The following STT3B variants were observed in gnomAD, a reference collection of about 807,000 sequenced individuals.
The protein encoded by STT3B is dolichyl-diphosphooligosaccharide--protein glycosyltransferase subunit STT3B.
In STT3B, 29 loss-of-function variants were observed where a neutral mutation model predicts 96.8. The ratio of observed to expected loss-of-function variants is 0.30; its 90% confidence interval spans 0.22 to 0.41. STT3B has a LOEUF of 0.41. STT3B is among the 10% of genes least tolerant of loss of function. The pLI is 1.00. For synonymous variants in STT3B, 367 were observed against 360.0 expected (o/e 1.02, Z -0.22); for missense variants, 640 against 1,022.3 (o/e 0.63, Z 5.10).
At chr3:31,600,885 A>G (rs1326617433) in intron 5 of STT3B, among the ~76,000 whole-genome samples, 1 of 152,086 alleles carries the variant, frequency 6.6e-6, no homozygotes, top group East Asian at 1.9e-4. Flanking sequence ...GTCTCTAGAA[A>G]AATGTTCATT....
intron 15 of STT3B, among the ~76,000 whole-genome samples, chr3:31,635,255 T>C (rs1227449322): frequency 1.3e-5 from 2 of 152,298 alleles, no homozygotes; most frequent in East Asian, 3.9e-4. Flanking sequence ...GAAAGACATA[T>C]GTGCCTATAA....
rs551121747 is a variant in STT3B, at chr3:31,575,466, TG to T, written c.315-921del. ...GCTTTTGTCAAATGCTTGATTTTTT[TG>T]GGGGGGGGATATGTTGCTTATTTTA... On this transcript the variant is annotated intron_variant, in intron 1 of 15. Transcript: ENST00000295770. Among the ~76,000 whole-genome samples the T allele has an allele frequency of 3.1e-3, 475 of 150,928 alleles. 1 individual carries two copies. The highest frequency in any genetic ancestry group is 1.0e-2 in the African/African-American group (407 of 40,898).
Position 31,579,844 on chromosome 3 carries a change from T to A in STT3B, c.459T>A (p.Ile153=). Residue 153 remains isoleucine, a synonymous_variant, in exon 3 of 16, where the codon ATT becomes ATA. Transcript: ENST00000295770. ...GGTTGATGATAACCGCTGGCCTTAT[T>A]CATTGGATTTTAAATACATTGAACA... ...YPGLMITAGL[I]HWILNTLNIT... The A allele has an allele frequency of 6.2e-7, 1 of 1,613,790 alleles. No homozygotes were observed. The highest frequency in any genetic ancestry group is 2.2e-5 in the East Asian group (1 of 44,870).
intron 8 of STT3B, 71 bp from the exon 9 acceptor site, chr3:31,619,605 G>T: frequency 7.5e-7 from 1 of 1,334,966 alleles, no homozygotes. Context: ...AACCAAACAA[G>T]ATTTCTTCAT....
At chr3:31,569,118 G>A (rs1008661096) in intron 1 of STT3B, among the ~76,000 whole-genome samples, 21 of 151,866 alleles carry the variant, frequency 1.4e-4, no homozygotes, top group African/African-American at 5.1e-4. Context: ...CAAGTGATCC[G>A]CCTGCCTTAG....
At chr3:31,559,116 A>G (rs180980458) in intron 1 of STT3B, among the ~76,000 whole-genome samples, 97 of 111,526 alleles carry the variant, frequency 8.7e-4, no homozygotes, top group African/African-American at 3.1e-3. Flanking sequence ...AAAAGAACCA[A>G]CTTTTTGTTT....
intron 13 of STT3B, 86 bp downstream of exon 13, chr3:31,626,213 G>A (rs569574156): frequency 3.2e-6 from 4 of 1,233,062 alleles, no homozygotes; most frequent in Non-Finnish European, 4.6e-6. Flanking sequence ...CATTGTATTT[G>A]TTTCATCATC....
At chr3:31,624,844 C>G in intron 11 of STT3B, 70 bp from the exon 12 acceptor site, 4 of 1,263,338 alleles carry the variant, frequency 3.2e-6, no homozygotes, top group Non-Finnish European at 4.5e-6. Context: ...GGTTTAATAC[C>G]TCAAGATTTT....
chr3:31,554,630 C>G (rs1697646536), intron 1 of STT3B, among the ~76,000 whole-genome samples: 1 of 152,200 alleles, frequency 6.6e-6, no homozygotes, highest in Non-Finnish European at 1.5e-5. Flanking sequence ...TTAATTTATT[C>G]ATCAAGTAGA....
intron 3 of STT3B, among the ~76,000 whole-genome samples, chr3:31,587,086 G>C (rs1698556899): frequency 6.6e-6 from 1 of 151,942 alleles, no homozygotes; most frequent in Non-Finnish European, 1.5e-5. Flanking sequence ...TCTATTTTAA[G>C]CACCGAAAGC....
In STT3B at chr3:31,533,261, G is replaced by C; in HGVS notation, c.263G>C (p.Arg88Pro). ...FLAWLAGFSSRLFAVIRFESI... is the reference protein window; with the variant it reads ...FLAWLAGFSSPLFAVIRFESI... The stretch of plus-strand genomic sequence containing the variant: ...GCCTGGCTTGCCGGCTTCAGCTCGC[G>C]CCTCTTCGCCGTCATCCGCTTCGAA... Residue 88 changes from arginine to proline, a missense_variant, in exon 1 of 16, where the codon CGC becomes CCC. By Grantham distance (103) the Arg-to-Pro change is moderately radical. Around this residue, in one of 8 missense-constraint regions of STT3B, gnomAD observed 267 missense variants for 388.3 expected, o/e 0.69. Coordinates refer to ENST00000295770, the MANE Select transcript of STT3B (RefSeq NM_178862.3). The C allele has an allele frequency of 6.6e-7, 1 of 1,520,870 alleles. No individual in the cohort carries two copies. Among genetic ancestry groups the C allele is most frequent in the Non-Finnish European group, 8.8e-7 (1 of 1,134,568 alleles). 94.2% of individuals were successfully genotyped at this position (1,520,870 alleles called of 1,614,324 possible).
intron 1 of STT3B, among the ~76,000 whole-genome samples, chr3:31,535,666 T>C (rs942341348): frequency 1.3e-5 from 2 of 152,118 alleles, no homozygotes; most frequent in African/African-American, 4.8e-5. Context: ...AAGGTTGCAG[T>C]GAGCCGAGAT....
intron 5 of STT3B, among the ~76,000 whole-genome samples, chr3:31,603,330 T>A (rs9310974): frequency 0.92 from 139,774 of 151,858 alleles, 64,499 homozygotes; most frequent in East Asian, 0.96. Context: ...GGCACATGGG[T>A]GGTAATGTGG....
intron 3 of STT3B, among the ~76,000 whole-genome samples, chr3:31,595,148 C>T (rs916525960): frequency 1.3e-5 from 2 of 152,196 alleles, no homozygotes; most frequent in African/African-American, 4.8e-5. Context: ...AGCATTCCTT[C>T]CTCCAGGTAT....
chr3:31,597,601 C>T (rs1414082169), intron 4 of STT3B, among the ~76,000 whole-genome samples: 1 of 151,952 alleles, frequency 6.6e-6, no homozygotes, highest in East Asian at 1.9e-4. Context: ...GGACTACAAG[C>T]ATGTGCCACC....
intron 1 of STT3B, among the ~76,000 whole-genome samples, chr3:31,543,067 C>CAAAAA (rs10696158): frequency 0.13 from 14,668 of 109,094 alleles, 1,281 homozygotes; most frequent in East Asian, 0.27. Flanking sequence ...CTCCATCTCA[C>CAAAAA]AAAAAAAAAA....
At chr3:31,552,252 A>G (rs766331680) in intron 1 of STT3B, among the ~76,000 whole-genome samples, 5 of 152,312 alleles carry the variant, frequency 3.3e-5, no homozygotes, top group South Asian at 2.1e-4. Flanking sequence ...GTTACTACCT[A>G]ACTTCTCTCT....
At chr3:31,614,721 C>CAT (rs35675148) in intron 5 of STT3B, among the ~76,000 whole-genome samples, 102,843 of 151,332 alleles carry the variant, frequency 0.68, 35,846 homozygotes, top group Non-Finnish European at 0.76. Context: ...AGTATTAAGT[C>CAT]GTGTATTTTG....
At chr3:31,603,828 T>G (rs1232998932) in intron 5 of STT3B, among the ~76,000 whole-genome samples, 1 of 152,152 alleles carries the variant, frequency 6.6e-6, no homozygotes, top group Non-Finnish European at 1.5e-5. Context: ...GCCTTTAAAT[T>G]TAATCTTTTT....
Sources: allele counts gnomAD v4.1 joint callset (sites outside exome capture counted in the v4.1 genomes callset), GRCh38; gene constraint gnomAD v4.1.1; regional missense constraint gnomAD v4.1.1; transcripts MANE v1.5; gene names NCBI Gene and HGNC (gene_info 2026-07-23, HGNC 2026-07-21).